The following FBN2 variants were observed in gnomAD, a reference collection of about 807,000 sequenced individuals.
FBN2 encodes the protein fibrillin-2.
Under a neutral mutation model 355.6 loss-of-function variants are expected in FBN2, and 105 were observed. The ratio of observed to expected loss-of-function variants is 0.30; its 90% CI spans 0.25 to 0.35. The LOEUF (loss-of-function observed/expected upper bound fraction) is 0.35, where lower values mean the gene tolerates loss of function less well. FBN2 is among the 10% of genes least tolerant of loss of function. The pLI is 1.00. For missense variants in FBN2, 3,280 were observed against 3,758.7 expected (o/e 0.87, Z 3.33); for synonymous variants, 1,350 against 1,301.2 (o/e 1.04, Z -0.81).
chr5:128,286,700 C>A lies in FBN2; in HGVS notation c.7012+18G>T, dbSNP rs769287598. The A allele has an allele frequency of 2.6e-5, 42 of 1,613,606 alleles. No individual in the cohort carries two copies. The highest frequency in any genetic ancestry group is 8.3e-5 in the Admixed American group (5 of 59,990). Reference sequence around the variant, plus strand: ...AGTGGAGGCATTACATAAGCAGACACCTTCCCTTACCGCTTACCTACACAG... The same window carrying A: ...AGTGGAGGCATTACATAAGCAGACAACTTCCCTTACCGCTTACCTACACAG... On this transcript the variant is annotated intron_variant, in intron 55 of 64. Coordinates refer to ENST00000262464, the MANE Select transcript of FBN2 (RefSeq NM_001999.4).
intron 27 of FBN2, among the ~76,000 whole-genome samples, chr5:128,337,787 G>C (rs1385641888): frequency 6.6e-6 from 1 of 152,196 alleles, no homozygotes; most frequent in Non-Finnish European, 1.5e-5. Context: ...TATAAAAAAA[G>C]AGGCCAACCA....
At chr5:128,354,651 A>G (rs775732116) in intron 20 of FBN2, among the ~76,000 whole-genome samples, 6 of 152,190 alleles carry the variant, frequency 3.9e-5, no homozygotes, top group South Asian at 2.1e-4. Context: ...GATAAACTTC[A>G]AGTGCAATCA....
intron 5 of FBN2, among the ~76,000 whole-genome samples, chr5:128,488,812 C>T (rs1755419315): frequency 6.6e-6 from 1 of 151,788 alleles, no homozygotes; most frequent in Admixed American, 6.6e-5. Context: ...CATCCATGTC[C>T]CTACAAAGGA....
chr5:128,388,281 ATTTC>A lies in FBN2; in HGVS notation c.1603+3733_1603+3736del, dbSNP rs772029674. 2.1e-4 allele frequency among the ~76,000 whole-genome samples: 32 copies of A among 152,048 alleles called. 1 individual carries two copies. Among genetic ancestry groups the A allele is most frequent in the Non-Finnish European group, 4.0e-4 (27 of 67,980 alleles). ...TGAAGACAGCATATAGTTGAATCTT[ATTTC>A]TTTATCTATCTTGCCACCCTGTGCC... is the stretch of plus-strand genomic sequence containing the variant. On this transcript the variant is annotated intron_variant, in intron 11 of 64. Transcript: ENST00000262464.
At chr5:128,503,650 A>T (rs1332225581) in intron 5 of FBN2, among the ~76,000 whole-genome samples, 1 of 152,178 alleles carries the variant, frequency 6.6e-6, no homozygotes, top group African/African-American at 2.4e-5. Flanking sequence ...GAGATGATTT[A>T]GGATATCTGG....
chr5:128,334,903 C>T, intron 30 of FBN2, 59 bp from the exon 31 acceptor site: 1 of 1,441,106 alleles, frequency 6.9e-7, no homozygotes, highest in South Asian at 1.2e-5. Context: ...TAAAAGCTAT[C>T]TTCTACACTG....
intron 11 of FBN2, among the ~76,000 whole-genome samples, chr5:128,387,337 T>C (rs1752393731): frequency 6.6e-6 from 1 of 152,162 alleles, no homozygotes; most frequent in African/African-American, 2.4e-5. Context: ...TTTGTGTTTA[T>C]TTCCGTCTTC....
chr5:128,259,933 G>C (rs1413318671), intron 64 of FBN2, 104 bp from the exon 65 acceptor site: 10 of 1,183,262 alleles, frequency 8.5e-6, no homozygotes, highest in Non-Finnish European at 1.2e-5. Context: ...ACAGGCTGTG[G>C]CTTCCCACTC....
At chr5:128,496,659 C>A (rs1442935534) in intron 5 of FBN2, among the ~76,000 whole-genome samples, 1 of 151,778 alleles carries the variant, frequency 6.6e-6, no homozygotes, top group African/African-American at 2.4e-5. Flanking sequence ...CAGCCAGAAT[C>A]AGACAAGAAA....
chr5:128,520,916 G>A (rs750056204), intron 4 of FBN2, among the ~76,000 whole-genome samples: 2 of 151,704 alleles, frequency 1.3e-5, no homozygotes, highest in South Asian at 2.1e-4. Flanking sequence ...AAGTAAATAC[G>A]AAGCAGAAAG....
At chr5:128,486,624 C>CT (rs941307365) in intron 5 of FBN2, among the ~76,000 whole-genome samples, 19 of 151,412 alleles carry the variant, frequency 1.3e-4, no homozygotes, top group Admixed American at 3.3e-4. Flanking sequence ...TCCTGCAACT[C>CT]TTTTTTTTTA....
intron 5 of FBN2, among the ~76,000 whole-genome samples, chr5:128,486,033 G>A (rs563815419): frequency 6.6e-6 from 1 of 152,088 alleles, no homozygotes; most frequent in Non-Finnish European, 1.5e-5. Flanking sequence ...TTTATTTGGA[G>A]GCATTTCTCA....
intron 7 of FBN2, among the ~76,000 whole-genome samples, chr5:128,430,019 T>C (rs1753579363): frequency 6.6e-6 from 1 of 152,184 alleles, no homozygotes; most frequent in African/African-American, 2.4e-5. Flanking sequence ...TTTTCACATA[T>C]CATTTAAAGC....
intron 33 of FBN2, among the ~76,000 whole-genome samples, chr5:128,329,400 G>A (rs1057114964): frequency 1.3e-5 from 2 of 152,052 alleles, no homozygotes; most frequent in Non-Finnish European, 2.9e-5. Context: ...TAAGAGGGAA[G>A]GAAAAATCAC....
chr5:128,400,077 T>C (rs1268942324), intron 8 of FBN2, among the ~76,000 whole-genome samples: 4 of 151,566 alleles, frequency 2.6e-5, no homozygotes, highest in Non-Finnish European at 4.4e-5. Flanking sequence ...TTAAAAGAAA[T>C]GCATTTAAAA....
chr5:128,443,494 G>A (rs1753975359), intron 7 of FBN2, among the ~76,000 whole-genome samples: 1 of 152,110 alleles, frequency 6.6e-6, no homozygotes, highest in South Asian at 2.1e-4. Context: ...CTGTCCTGAA[G>A]GATCTCATTC....
chr5:128,458,598 C>G (rs1001249134), intron 6 of FBN2, among the ~76,000 whole-genome samples: 1 of 152,032 alleles, frequency 6.6e-6, no homozygotes, highest in South Asian at 2.1e-4. Context: ...TCATAACAGT[C>G]TCTCAGACCA....
At chr5:128,356,120 A>G (rs1218824070) in intron 20 of FBN2, among the ~76,000 whole-genome samples, 1 of 152,106 alleles carries the variant, frequency 6.6e-6, no homozygotes, top group African/African-American at 2.4e-5. Flanking sequence ...AGTGGCTCCA[A>G]CCCACACACC....
chr5:128,469,530 C>CAAA (rs34568723), intron 5 of FBN2, among the ~76,000 whole-genome samples: 3,243 of 125,514 alleles, frequency 0.026, 207 homozygotes, highest in African/African-American at 0.096. Context: ...GACTCCGTCT[C>CAAA]AAAAAAAAAA....
Sources: gnomAD v4.1 joint callset for allele counts (sites outside exome capture counted in the v4.1 genomes callset) on GRCh38, gnomAD v4.1.1 for gene constraint, MANE v1.5 for transcripts, NCBI Gene and HGNC (gene_info 2026-07-23, HGNC 2026-07-21) for gene names.